Variants in BCAT1 observed in about 807,000 individuals in gnomAD.
BCAT1 encodes branched chain amino acid transaminase 1, also known as branched-chain-amino-acid aminotransferase, cytosolic.
BCAT1 carries 48 observed loss-of-function variants against 52.4 expected under a neutral mutation model. That is an observed-to-expected ratio of 0.92 (90% CI 0.73 to 1.16). The LOEUF (loss-of-function observed/expected upper bound fraction) is 1.16, where lower values mean the gene tolerates loss of function less well. Ranked by LOEUF, BCAT1 falls within the 50% of genes most tolerant of loss-of-function variation. The pLI is 0.00. For synonymous variants in BCAT1, 167 were observed against 161.3 expected (o/e 1.04, Z -0.27); for missense variants, 451 against 457.1 (o/e 0.99, Z 0.12).
At chr12:24,848,864 A>G (rs867693254) in intron 6 of BCAT1, among the ~76,000 whole-genome samples, 1 of 152,180 alleles carries the variant, frequency 6.6e-6, no homozygotes, top group African/African-American at 2.4e-5. Context: ...GATGACTTTT[A>G]TAACCGTTCT....
intron 1 of BCAT1, among the ~76,000 whole-genome samples, chr12:24,915,982 A>G (rs1946747893): frequency 6.9e-6 from 1 of 145,824 alleles, no homozygotes; most frequent in African/African-American, 2.4e-5. Flanking sequence ...ACATGGTGAA[A>G]CCTCATCTCT....
At chr12:24,873,939 T>G (rs1591827835) in intron 5 of BCAT1, among the ~76,000 whole-genome samples, 1 of 152,336 alleles carries the variant, frequency 6.6e-6, no homozygotes, top group Admixed American at 6.5e-5. Flanking sequence ...TCTATAAGGA[T>G]TTTAGTAATT....
intron 1 of BCAT1, among the ~76,000 whole-genome samples, chr12:24,921,975 G>A (rs1206745894): frequency 6.6e-6 from 1 of 151,494 alleles, no homozygotes; most frequent in Non-Finnish European, 1.5e-5. Context: ...TAGCACACAT[G>A]TGCACACATA....
At chr12:24,820,978 G>T (rs1307989352) in intron 10 of BCAT1, among the ~76,000 whole-genome samples, 1 of 152,140 alleles carries the variant, frequency 6.6e-6, no homozygotes, top group African/African-American at 2.4e-5. Context: ...GAAAGGCTGT[G>T]CAAAGCTTTG....
At chr12:24,859,618 C>CAAAAAA (rs71063366) in intron 5 of BCAT1, among the ~76,000 whole-genome samples, 5 of 94,010 alleles carry the variant, frequency 5.3e-5, no homozygotes, top group African/African-American at 1.6e-4. Flanking sequence ...AGACTCGTCT[C>CAAAAAA]AAAAAAAAAA....
intron 5 of BCAT1, among the ~76,000 whole-genome samples, chr12:24,866,353 G>A (rs1942008038): frequency 1.3e-5 from 2 of 152,178 alleles, no homozygotes; most frequent in South Asian, 4.1e-4. Flanking sequence ...GGGACCTGCA[G>A]CCTGCCATGC....
intron 1 of BCAT1, among the ~76,000 whole-genome samples, chr12:24,942,636 T>C (rs1240854520): frequency 1.3e-5 from 2 of 151,816 alleles, no homozygotes; most frequent in Admixed American, 1.3e-4. Flanking sequence ...GCAAAGAACA[T>C]GGCCATACTG....
In BCAT1 at chr12:24,815,770, T is replaced by C. The variant is rs1939853230; in HGVS notation, c.*2238A>G. Reference sequence around the variant, plus strand: ...TCTTGAGGTTTTATGAAAGAAATGATACAAACATAATGTTCTCTAACTTTC... The same window carrying C: ...TCTTGAGGTTTTATGAAAGAAATGACACAAACATAATGTTCTCTAACTTTC... On this transcript the variant is annotated 3_prime_UTR_variant, in exon 11 of 11. Transcript: ENST00000261192. 1.3e-5 allele frequency: 2 copies of C among 152,180 alleles called. No homozygotes were observed. The highest frequency in any genetic ancestry group is 4.8e-5 in the African/African-American group (2 of 41,442). 9.4% of individuals were successfully genotyped at this position (152,180 alleles called of 1,614,324 possible). A position where few individuals can be genotyped will look rare whatever the true frequency, so the allele number is the denominator to read the frequency against.
chr12:24,882,995 G>C (rs775509895), intron 3 of BCAT1, among the ~76,000 whole-genome samples: 1 of 151,992 alleles, frequency 6.6e-6, no homozygotes. Flanking sequence ...GATAAAAAAG[G>C]CAACTTCAAG....
chr12:24,876,770 A>G (rs1942358532), intron 5 of BCAT1, among the ~76,000 whole-genome samples: 1 of 152,196 alleles, frequency 6.6e-6, no homozygotes, highest in Non-Finnish European at 1.5e-5. Flanking sequence ...ACATGGGCAC[A>G]TGCAGGGAGC....
At chr12:24,940,589 G>A (rs1019224163) in intron 1 of BCAT1, among the ~76,000 whole-genome samples, 2 of 152,156 alleles carry the variant, frequency 1.3e-5, no homozygotes, top group African/African-American at 4.8e-5. Context: ...ATGGTTATAT[G>A]TTATATGATT....
chr12:24,878,452 A>G, intron 5 of BCAT1, 78 bp downstream of exon 5: 1 of 1,375,610 alleles, frequency 7.3e-7, no homozygotes, highest in Non-Finnish European at 9.7e-7. Context: ...TGCAAACTAT[A>G]TGCTAGAAGT....
intron 6 of BCAT1, among the ~76,000 whole-genome samples, chr12:24,848,976 C>G (rs561603687): frequency 6.6e-6 from 1 of 152,186 alleles, no homozygotes; most frequent in Admixed American, 6.5e-5. Context: ...CCCAGCAGCA[C>G]GTCATGTGAC....
intron 1 of BCAT1, among the ~76,000 whole-genome samples, chr12:24,935,061 A>C (rs1452484929): frequency 2.0e-5 from 3 of 152,178 alleles, no homozygotes; most frequent in African/African-American, 7.2e-5. Context: ...ACTGCAGGAC[A>C]TGACTGCCTC....
chr12:24,896,766 C>CA (rs112644123), intron 2 of BCAT1, among the ~76,000 whole-genome samples: 3,337 of 149,520 alleles, frequency 0.022, 50 homozygotes, highest in East Asian at 0.063. Context: ...AACTCCATCT[C>CA]AAAAAAAAAG....
At chr12:24,912,073 G>T (rs1943336105) in intron 1 of BCAT1, among the ~76,000 whole-genome samples, 1 of 152,022 alleles carries the variant, frequency 6.6e-6, no homozygotes, top group Admixed American at 6.6e-5. Flanking sequence ...CTATGCTGAG[G>T]AAATTAATAG....
intron 1 of BCAT1, among the ~76,000 whole-genome samples, chr12:24,948,310 C>T (rs1273913338): frequency 6.6e-6 from 1 of 152,212 alleles, no homozygotes; most frequent in Non-Finnish European, 1.5e-5. Context: ...GCTAATTATC[C>T]TTGATTAGCA....
intron 5 of BCAT1, among the ~76,000 whole-genome samples, chr12:24,867,246 G>A (rs1439890430): frequency 2.6e-5 from 4 of 152,014 alleles, no homozygotes; most frequent in Middle Eastern, 3.4e-3. Flanking sequence ...AACACTTACC[G>A]CGAGGGTCCA....
intron 10 of BCAT1, among the ~76,000 whole-genome samples, chr12:24,827,419 T>C (rs1262905007): frequency 1.3e-5 from 2 of 152,196 alleles, no homozygotes; most frequent in African/African-American, 2.4e-5. Context: ...ATTAAGATAT[T>C]CCTTTACTTA....
Sources: allele counts gnomAD v4.1 joint callset (sites outside exome capture counted in the v4.1 genomes callset), GRCh38; gene constraint gnomAD v4.1.1; transcripts MANE v1.5; gene names NCBI Gene and HGNC (gene_info 2026-07-23, HGNC 2026-07-21).